Variants in SVEP1 observed in about 807,000 individuals in gnomAD.
SVEP1 encodes sushi, von Willebrand factor type A, EGF and pentraxin domain-containing protein 1.
Under a neutral mutation model 367.3 loss-of-function variants are expected in SVEP1, and 164 were observed. The observed-to-expected ratio is 0.45, with a 90% CI of 0.39 to 0.51. The LOEUF is 0.51. Among genes scored for constraint, SVEP1 ranks in the 20% least tolerant of loss-of-function variants. The pLI is 0.00. For synonymous variants in SVEP1, 1,666 were observed against 1,611.6 expected (o/e 1.03, Z -0.81); for missense variants, 4,117 against 4,425.3 (o/e 0.93, Z 1.98).
chr9:110,445,645 A>G (rs535931426), intron 26 of SVEP1, among the ~76,000 whole-genome samples, 192 bp downstream of exon 26: 10 of 152,332 alleles, frequency 6.6e-5, no homozygotes, highest in African/African-American at 1.9e-4. Flanking sequence ...AACACAATAC[A>G]TGTTTGAGGT....
At chr9:110,476,428 C>A in intron 13 of SVEP1, 113 bp from the exon 14 acceptor site, 1 of 765,130 alleles carries the variant, frequency 1.3e-6, no homozygotes, top group Non-Finnish European at 2.2e-6. Context: ...AAGGGAGGGC[C>A]CCAGAGCTCT....
intron 40 of SVEP1, among the ~76,000 whole-genome samples, chr9:110,400,279 T>G (rs1045946542): frequency 6.6e-6 from 1 of 152,218 alleles, no homozygotes; most frequent in Non-Finnish European, 1.5e-5. Flanking sequence ...AAATGGTCAG[T>G]TGAAGTCACA....
At chr9:110,434,666 T>TAAGAAAAAAAAAAAAAAAA (rs1828404814) in intron 29 of SVEP1, among the ~76,000 whole-genome samples, 160 bp from the exon 30 acceptor site, 1 of 40,620 alleles carries the variant, frequency 2.5e-5, no homozygotes, top group Non-Finnish European at 4.2e-5. Context: ...GCAAAATCAC[T>TAAGAAAAAAAAAAAAAAAA]AAAAAAAAAA....
intron 1 of SVEP1, among the ~76,000 whole-genome samples, chr9:110,552,929 C>A (rs1005823375): frequency 3.3e-5 from 5 of 152,156 alleles, no homozygotes; most frequent in Non-Finnish European, 7.4e-5. Context: ...CTGAAGGAGT[C>A]TTGCAATAAT....
At chr9:110,532,104 A>C (rs1830029558) in intron 3 of SVEP1, among the ~76,000 whole-genome samples, 1 of 152,154 alleles carries the variant, frequency 6.6e-6, no homozygotes, top group African/African-American at 2.4e-5. Flanking sequence ...CTAAACATGC[A>C]TCTCACTTTA....
intron 1 of SVEP1, among the ~76,000 whole-genome samples, chr9:110,555,906 C>T (rs1830352047): frequency 6.6e-6 from 1 of 152,150 alleles, no homozygotes; most frequent in African/African-American, 2.4e-5. Context: ...GTAAATAGAT[C>T]TGTGGTAATG....
In SVEP1 at chr9:110,390,251, TTATATAAGTATGTA is replaced by T. The variant is rs1564127410; in HGVS notation, c.9823-678_9823-665del. Among the ~76,000 whole-genome samples, 207 of 118,572 alleles carry T rather than the reference TTATATAAGTATGTA, an allele frequency of 1.7e-3. 3 individuals are homozygous for T. The highest frequency in any genetic ancestry group is 2.2e-3 in the Non-Finnish European group (127 of 56,646). 77.8% of individuals were successfully genotyped at this position (118,572 alleles called of 152,430 possible). A position where few individuals can be genotyped will look rare whatever the true frequency, so the allele number is the denominator to read the frequency against. Reference sequence around the variant, plus strand: ...CTTATATAAGTATGTGTATATATACTTATATAAGTATGTATATATATACTTATATATATACATAC... The same window carrying T: ...CTTATATAAGTATGTGTATATATACTTATATATACTTATATATATACATAC... On this transcript the variant is annotated intron_variant, in intron 40 of 47. Transcript: ENST00000374469.
intron 36 of SVEP1, among the ~76,000 whole-genome samples, chr9:110,413,851 T>C (rs967819110): frequency 6.6e-6 from 1 of 152,058 alleles, no homozygotes; most frequent in Non-Finnish European, 1.5e-5. Flanking sequence ...TAGCCTGTCA[T>C]TTTGCTACTA....
At chr9:110,513,217 A>G in intron 4 of SVEP1, 112 bp from the exon 5 acceptor site, 1 of 1,008,180 alleles carries the variant, frequency 9.9e-7, no homozygotes, top group Non-Finnish European at 1.4e-6. Context: ...AATTGCCTAC[A>G]GCATTTCCAT....
At chr9:110,528,115 T>G (rs997520520) in intron 3 of SVEP1, among the ~76,000 whole-genome samples, 13 of 143,606 alleles carry the variant, frequency 9.1e-5, no homozygotes, top group African/African-American at 3.3e-4. Flanking sequence ...CATATACATA[T>G]ATACATACAT....
Position 110,472,168 on chromosome 9 carries a change from TA to T in SVEP1, c.2754del (p.Phe918LeufsTer36), listed in dbSNP as rs1160023597. 6.2e-7 allele frequency: 1 copy of T among 1,610,976 alleles called. No individual in the cohort carries two copies. Among genetic ancestry groups the T allele is most frequent in the Non-Finnish European group, 8.5e-7 (1 of 1,179,228 alleles). The part of the protein sequence containing the change: ...PLSDYKIKLI[F>X]NITASVPLPD... ...GACAGTTTATCCTTACCTGTGATGTTAAAAATTAACTTAATTTTATAGTCAG... is the reference window on the plus strand; with the variant it reads ...GACAGTTTATCCTTACCTGTGATGTTAAAATTAACTTAATTTTATAGTCAG... On this transcript the variant is annotated frameshift_variant, in exon 15 of 48. Coordinates refer to ENST00000374469, the MANE Select transcript of SVEP1 (RefSeq NM_153366.4). LOFTEE classifies it high-confidence loss of function.
At chr9:110,382,006 C>A (rs757741510) in intron 43 of SVEP1, among the ~76,000 whole-genome samples, 1 of 151,954 alleles carries the variant, frequency 6.6e-6, no homozygotes, top group Admixed American at 6.6e-5. Flanking sequence ...GAAATACAAC[C>A]CCTATTTTTT....
At chr9:110,539,498 T>A (rs113769832) in intron 3 of SVEP1, among the ~76,000 whole-genome samples, 1 of 152,044 alleles carries the variant, frequency 6.6e-6, no homozygotes, top group African/African-American at 2.4e-5. Context: ...CTTTTCCTTC[T>A]GAGTATTAGG....
At chr9:110,452,767 C>T (rs1385352575) in intron 22 of SVEP1, among the ~76,000 whole-genome samples, 4 of 152,230 alleles carry the variant, frequency 2.6e-5, no homozygotes, top group Middle Eastern at 3.2e-3. Context: ...TTCTAAACAG[C>T]ATGCCTGTCC....
At chr9:110,483,474 T>A in intron 10 of SVEP1, 112 bp downstream of exon 10, 2 of 533,652 alleles carry the variant, frequency 3.7e-6, no homozygotes, top group Non-Finnish European at 6.3e-6. Flanking sequence ...AATTATTCAT[T>A]CTCCCTAGAC....
intron 22 of SVEP1, among the ~76,000 whole-genome samples, chr9:110,454,334 T>C (rs1323250990): frequency 1.3e-5 from 2 of 152,236 alleles, no homozygotes; most frequent in African/African-American, 2.4e-5. Flanking sequence ...AGGATTTTTA[T>C]AGTTTGAAGT....
intron 9 of SVEP1, among the ~76,000 whole-genome samples, chr9:110,487,656 T>C (rs56103645): frequency 0.028 from 4,288 of 152,270 alleles, 192 homozygotes; most frequent in African/African-American, 0.098. Context: ...AAAATAAACA[T>C]ATGAAAAATA....
chr9:110,466,483 G>A (rs1828938335), intron 17 of SVEP1, among the ~76,000 whole-genome samples: 1 of 152,042 alleles, frequency 6.6e-6, no homozygotes, highest in Non-Finnish European at 1.5e-5. Flanking sequence ...TGGCGGCCGG[G>A]CACGGTGGCT....
rs760697396 is a variant in SVEP1 at position 110,458,762 on chromosome 9, A to G, written c.3484+190T>C. ...ACTCTTAGAAAGAAATTTAGAAGTT[A>G]TCAAGTTCAGTGTTTCCAAAACAAG... On this transcript the variant is annotated intron_variant, in intron 19 of 47. Coordinates refer to ENST00000374469, the MANE Select transcript of SVEP1 (RefSeq NM_153366.4). Among the ~76,000 whole-genome samples the G allele has an allele frequency of 1.3e-3, 192 of 152,338 alleles. 2 individuals are homozygous for G. The highest frequency in any genetic ancestry group is 0.01 in the Middle Eastern group (3 of 294).
Sources: gnomAD v4.1 joint callset for allele counts (sites outside exome capture counted in the v4.1 genomes callset) on GRCh38, gnomAD v4.1.1 for gene constraint, MANE v1.5 for transcripts, NCBI Gene and HGNC (gene_info 2026-07-23, HGNC 2026-07-21) for gene names.